XXYLT1: variants seen among roughly 807,000 people sequenced by gnomAD.
XXYLT1 encodes xyloside xylosyltransferase 1.
A neutral mutation model predicts 28.9 loss-of-function variants in XXYLT1; 20 were observed. The ratio of observed to expected loss-of-function variants is 0.69; its 90% confidence interval spans 0.49 to 1.00. The LOEUF (loss-of-function observed/expected upper bound fraction) is 1.00, where lower values mean the gene tolerates loss of function less well. XXYLT1 is among the 50% of genes least tolerant of loss of function. The pLI, the probability that XXYLT1 is intolerant of heterozygous loss-of-function variation, is 0.00. For synonymous variants in XXYLT1, 257 were observed against 253.8 expected, an observed-to-expected ratio of 1.01 and a Z score of -0.12; for missense variants, 542 against 560.1, an observed-to-expected ratio of 0.97 and a Z score of 0.33.
intron 2 of XXYLT1, among the ~76,000 whole-genome samples, chr3:195,165,344 C>A (rs949158881): frequency 6.6e-6 from 1 of 152,128 alleles, no homozygotes; most frequent in Non-Finnish European, 1.5e-5. Context: ...GGCGCAAACT[C>A]CTGAGATCCT....
intron 3 of XXYLT1, among the ~76,000 whole-genome samples, chr3:195,081,021 G>C (rs1409455051): frequency 6.6e-6 from 1 of 152,200 alleles, no homozygotes; most frequent in Non-Finnish European, 1.5e-5. Flanking sequence ...ATGGATCTTG[G>C]CCAAGGCAAA....
chr3:195,241,806 GCACAACACACACACACATGCA>G (rs1453983615), intron 1 of XXYLT1, among the ~76,000 whole-genome samples: 1 of 151,208 alleles, frequency 6.6e-6, no homozygotes, highest in Admixed American at 6.6e-5. Context: ...ACACACATGC[GCACAACACACACACACATGCA>G]CACAACATAC....
intron 3 of XXYLT1, among the ~76,000 whole-genome samples, chr3:195,082,153 T>G (rs892448471): frequency 3.3e-5 from 5 of 152,236 alleles, no homozygotes; most frequent in Admixed American, 3.3e-4. Flanking sequence ...GTGGGGCATC[T>G]GGGTGGTTTC....
intron 3 of XXYLT1, among the ~76,000 whole-genome samples, chr3:195,132,655 G>T (rs1233292088): frequency 6.6e-6 from 1 of 152,170 alleles, no homozygotes; most frequent in Non-Finnish European, 1.5e-5. Flanking sequence ...CCTTCACTGG[G>T]GAGATGGATA....
intron 2 of XXYLT1, among the ~76,000 whole-genome samples, chr3:195,202,037 T>C (rs866425441): frequency 6.6e-5 from 10 of 151,922 alleles, no homozygotes; most frequent in East Asian, 5.8e-4. Context: ...ATTAGCCAGG[T>C]GTGGTGGTGT....
At chr3:195,230,918 T>C (rs1289338428) in intron 1 of XXYLT1, among the ~76,000 whole-genome samples, 2 of 152,182 alleles carry the variant, frequency 1.3e-5, no homozygotes, top group African/African-American at 2.4e-5. Context: ...CTGTGAAGAA[T>C]GTCATTGGTA....
At chr3:195,072,043 C>T (rs1372518628) in intron 3 of XXYLT1, among the ~76,000 whole-genome samples, 3 of 152,274 alleles carry the variant, frequency 2.0e-5, no homozygotes, top group African/African-American at 7.2e-5. Flanking sequence ...AGGGAGAGGA[C>T]TCACCCAGCT....
At position 195,209,444 on chromosome 3, in the gene XXYLT1, C is replaced by T. The variant is rs934276472; in HGVS notation, c.652+17265G>A. On this transcript the variant is annotated intron_variant, in intron 2 of 3. Coordinates refer to ENST00000310380, the MANE Select transcript of XXYLT1 (RefSeq NM_152531.5). This position sits in a 1 kb window ranked among gnomAD's most constrained non-coding sequence, Gnocchi z 5.0. Reference sequence around the variant, plus strand: ...TTCAGATTTTACAGAAACGTTCCGGCTCTTGCCATCTCAGCCACATCAGGC... The same window carrying T: ...TTCAGATTTTACAGAAACGTTCCGGTTCTTGCCATCTCAGCCACATCAGGC... 1 of 152,406 alleles carries T rather than the reference C, an allele frequency of 6.6e-6. No individual in the cohort carries two copies. The highest frequency in any genetic ancestry group is 2.4e-5 in the African/African-American group (1 of 41,466). 9.4% of individuals were successfully genotyped at this position (152,406 alleles called of 1,614,324 possible). A position where few individuals can be genotyped will look rare whatever the true frequency, so the allele number is the denominator to read the frequency against.
chr3:195,149,502 A>G lies in XXYLT1; in HGVS notation c.785+6947T>C, dbSNP rs76291158. Among the ~76,000 whole-genome samples the G allele has an allele frequency of 3.1e-3, 477 of 152,330 alleles. 3 individuals are homozygous for G. Among genetic ancestry groups the G allele is most frequent in the African/African-American group, 0.011 (456 of 41,570 alleles). On this transcript the variant is annotated intron_variant, in intron 3 of 3. Transcript: ENST00000310380. Reference sequence around the variant, plus strand: ...ATGTTCACCCTCTGTGCAGCGTAGCAGGGACCAAACACCCCACGCACGGGG... The same window carrying G: ...ATGTTCACCCTCTGTGCAGCGTAGCGGGGACCAAACACCCCACGCACGGGG...
At chr3:195,107,989 C>G (rs1717246509) in intron 3 of XXYLT1, among the ~76,000 whole-genome samples, 1 of 152,200 alleles carries the variant, frequency 6.6e-6, no homozygotes, top group African/African-American at 2.4e-5. Context: ...AACTCTGATG[C>G]CATTCGGCTC....
Position 195,070,066 on chromosome 3 carries a change from A to C in XXYLT1, c.831T>G (p.Val277=), listed in dbSNP as rs754024162. ...GCAGCCCCTCGGGGGGCGGGCCCCC[A>C]ACCCGGGTCTGGGGGTTCTCATGGC... ...QFRHENPQTR[V]GGPPPEGLPG... The change falls in exon 4 of 4, where the codon GTT becomes GTG. Residue 277 remains valine, a synonymous_variant. Transcript: ENST00000310380. 6.3e-7 allele frequency: 1 copy of C among 1,593,234 alleles called. No individual in the cohort carries two copies. The highest frequency in any genetic ancestry group is 1.1e-5 in the South Asian group (1 of 90,028).
At chr3:195,247,910 C>A (rs965317077) in intron 1 of XXYLT1, 4 of 654,978 alleles carry the variant, frequency 6.1e-6, no homozygotes, top group African/African-American at 1.8e-5. Flanking sequence ...TGAGAGCTCA[C>A]TGACTCTCAC....
chr3:195,185,503 G>GTT (rs10576287), intron 2 of XXYLT1, among the ~76,000 whole-genome samples: 36 of 126,140 alleles, frequency 2.9e-4, no homozygotes, highest in African/African-American at 7.7e-4. Context: ...TTAGGGCTGG[G>GTT]TTTTTTTTTT....
At chr3:195,178,869 C>T (rs769616897) in intron 2 of XXYLT1, among the ~76,000 whole-genome samples, 1 of 152,186 alleles carries the variant, frequency 6.6e-6, no homozygotes, top group Non-Finnish European at 1.5e-5. Flanking sequence ...TCATTGAGAT[C>T]GAGAGCTGAA....
In XXYLT1 at chr3:195,244,888, G is replaced by A. The variant is rs569805224; in HGVS notation, c.505-18032C>T. 3.5e-4 allele frequency among the ~76,000 whole-genome samples: 52 copies of A among 147,192 alleles called. 1 individual carries two copies. The highest frequency in any genetic ancestry group is 3.6e-3 in the Middle Eastern group (1 of 278). ...AACAAAAAAAAACCCACTCCCGGCC[G>A]GGTGCGGTGGCTCACGCCTGTGATC... is the stretch of plus-strand genomic sequence containing the variant. On this transcript the variant is annotated intron_variant, in intron 1 of 3. Transcript: ENST00000310380.
At chr3:195,155,649 A>C (rs142313392) in intron 3 of XXYLT1, among the ~76,000 whole-genome samples, 451 of 106,228 alleles carry the variant, frequency 4.2e-3, no homozygotes, top group Middle Eastern at 0.019. Context: ...GAGCCAACCC[A>C]CCCCCACGCC....
intron 2 of XXYLT1, among the ~76,000 whole-genome samples, chr3:195,186,790 A>C (rs1722214822): frequency 6.6e-6 from 1 of 152,042 alleles, no homozygotes; most frequent in South Asian, 2.1e-4. Context: ...CACCTAGGCA[A>C]GATCTGGCTC....
chr3:195,171,725 T>C (rs1721414218), intron 2 of XXYLT1, among the ~76,000 whole-genome samples: 1 of 152,236 alleles, frequency 6.6e-6, no homozygotes, highest in African/African-American at 2.4e-5. Flanking sequence ...TCCCCACAGG[T>C]CTGTATTCAT....
At chr3:195,140,955 A>G (rs1439923405) in intron 3 of XXYLT1, among the ~76,000 whole-genome samples, 1 of 152,064 alleles carries the variant, frequency 6.6e-6, no homozygotes, top group Admixed American at 6.5e-5. Context: ...TCATTATGGG[A>G]TTAGTGCCCT....
Sources: allele counts gnomAD v4.1 joint callset (sites outside exome capture counted in the v4.1 genomes callset), GRCh38; gene constraint gnomAD v4.1.1; non-coding constraint Gnocchi (gnomAD v3.1); transcripts MANE v1.5; gene names NCBI Gene and HGNC (gene_info 2026-07-23, HGNC 2026-07-21).